MAML3: variants seen among roughly 807,000 people sequenced by gnomAD.
The protein encoded by MAML3 is mastermind-like protein 3.
MAML3 carries 27 observed loss-of-function variants against 101.9 expected under a neutral mutation model. The ratio of observed to expected loss-of-function variants is 0.27; its 90% CI spans 0.20 to 0.37. The LOEUF is 0.37. Among genes scored for constraint, MAML3 ranks in the 10% least tolerant of loss-of-function variants. The pLI is 1.00. For missense variants in MAML3, 1,316 were observed against 1,444.9 expected (o/e 0.91, Z 1.45); for synonymous variants, 501 against 555.9 (o/e 0.90, Z 1.39).
chr4:140,075,900 A>T (rs113507976), intron 1 of MAML3, among the ~76,000 whole-genome samples: 197 of 152,284 alleles, frequency 1.3e-3, no homozygotes, highest in African/African-American at 4.4e-3. Flanking sequence ...AGCTGGGACT[A>T]CAGGCATGCA....
intron 2 of MAML3, among the ~76,000 whole-genome samples, chr4:139,817,678 G>T (rs1039152610): frequency 3.3e-4 from 50 of 152,152 alleles, no homozygotes; most frequent in Non-Finnish European, 2.4e-4. Flanking sequence ...GGGTTAGGGG[G>T]ATGCTTTAAA....
intron 1 of MAML3, among the ~76,000 whole-genome samples, chr4:140,071,224 T>A (rs924874753): frequency 6.6e-6 from 1 of 152,138 alleles, no homozygotes; most frequent in African/African-American, 2.4e-5. Context: ...CCGCACACAC[T>A]CTCTCTCTTT....
chr4:139,747,919 T>C (rs531788757), intron 2 of MAML3, among the ~76,000 whole-genome samples: 1 of 150,204 alleles, frequency 6.7e-6, no homozygotes, highest in Non-Finnish European at 1.5e-5. Context: ...CTGGGCATGG[T>C]GGTGGATGCC....
In MAML3 at chr4:139,775,247, G is replaced by A. The variant is rs565520452; in HGVS notation, c.2080-44580C>T. Among the ~76,000 whole-genome samples the A allele has an allele frequency of 2.0e-5, 3 of 152,230 alleles. No homozygotes were observed. In the East Asian group the frequency reaches 5.8e-4, roughly 29 times the overall value. ...ACTGCAGTTACTCACACAATAAACA[G>A]GTAATAAACATTTTACTGCCCTAAG... On this transcript the variant is annotated intron_variant, in intron 2 of 4. Transcript: ENST00000509479.
chr4:139,868,945 G>A (rs1731951810), intron 2 of MAML3, among the ~76,000 whole-genome samples: 1 of 152,150 alleles, frequency 6.6e-6, no homozygotes, highest in Admixed American at 6.5e-5. Flanking sequence ...CCTGTGCATA[G>A]GTTTATCCAA....
At chr4:139,786,828 G>A (rs1457735498) in intron 2 of MAML3, among the ~76,000 whole-genome samples, 3 of 152,226 alleles carry the variant, frequency 2.0e-5, no homozygotes, top group South Asian at 4.1e-4. Context: ...GTTAATGCTA[G>A]TACAGTTTCC....
intron 1 of MAML3, 80 bp from the exon 2 acceptor site, chr4:139,891,047 T>C: frequency 1.4e-6 from 2 of 1,466,942 alleles, no homozygotes; most frequent in Non-Finnish European, 1.8e-6. Context: ...TGCATTGCGA[T>C]GAACTAACTT....
intron 1 of MAML3, among the ~76,000 whole-genome samples, chr4:140,128,725 A>G (rs1728729283): frequency 6.6e-6 from 1 of 152,196 alleles, no homozygotes; most frequent in African/African-American, 2.4e-5. Flanking sequence ...AAACAAATAA[A>G]GTAGACAGTA....
chr4:139,770,562 A>G (rs1263763456), intron 2 of MAML3, among the ~76,000 whole-genome samples: 1 of 152,216 alleles, frequency 6.6e-6, no homozygotes, highest in Non-Finnish European at 1.5e-5. Flanking sequence ...AGCAGGACAG[A>G]ATAGGATACT....
At chr4:139,732,691 A>T (rs1009785631) in intron 2 of MAML3, among the ~76,000 whole-genome samples, 2 of 151,910 alleles carry the variant, frequency 1.3e-5, no homozygotes, top group African/African-American at 4.8e-5. Context: ...TGGTTACATG[A>T]GTAAGCAGAA....
intron 1 of MAML3, among the ~76,000 whole-genome samples, chr4:139,967,979 A>G (rs1345356553): frequency 3.4e-5 from 5 of 145,130 alleles, no homozygotes; most frequent in African/African-American, 7.5e-5. Flanking sequence ...AAAAAAAAAA[A>G]AGAGAAAAGA....
At chr4:140,037,970 G>C (rs1159216165) in intron 1 of MAML3, among the ~76,000 whole-genome samples, 5 of 152,204 alleles carry the variant, frequency 3.3e-5, no homozygotes, top group Admixed American at 2.6e-4. Flanking sequence ...AATGCAATGT[G>C]AGAGAAGTCT....
At chr4:140,058,285 T>C (rs1727387460) in intron 1 of MAML3, among the ~76,000 whole-genome samples, 1 of 151,648 alleles carries the variant, frequency 6.6e-6, no homozygotes, top group Non-Finnish European at 1.5e-5. Context: ...TTTTTAGTAG[T>C]GGGTCTATGT....
At chr4:139,798,639 A>C (rs1730557046) in intron 2 of MAML3, among the ~76,000 whole-genome samples, 1 of 152,202 alleles carries the variant, frequency 6.6e-6, no homozygotes, top group African/African-American at 2.4e-5. Context: ...TCCCTTATGC[A>C]TGTGTCACAT....
chr4:140,025,622 C>A (rs1477947137), intron 1 of MAML3, among the ~76,000 whole-genome samples: 2 of 152,144 alleles, frequency 1.3e-5, no homozygotes. Flanking sequence ...AAGGGAAGAG[C>A]ATAGGGCAAC....
intron 1 of MAML3, among the ~76,000 whole-genome samples, chr4:140,045,498 T>C (rs1225416231): frequency 6.6e-6 from 1 of 152,206 alleles, no homozygotes. Context: ...GGACTTTTTT[T>C]CAATCTAAAA....
Position 139,770,464 on chromosome 4 carries a change from T to G in MAML3, c.2080-39797A>C, listed in dbSNP as rs78047243. ...ATACTTTTTCTTTTAAAAAGACTAT[T>G]CTGTTTGTGTCCCTGGCAACAAGCT... is the stretch of plus-strand genomic sequence containing the variant. On this transcript the variant is annotated intron_variant, in intron 2 of 4. Coordinates refer to ENST00000509479, the MANE Select transcript of MAML3 (RefSeq NM_018717.5). 2.1e-3 allele frequency among the ~76,000 whole-genome samples: 322 copies of G among 152,336 alleles called. 1 individual carries two copies. Among genetic ancestry groups the G allele is most frequent in the African/African-American group, 7.1e-3 (295 of 41,588 alleles).
At chr4:139,967,469 G>GACACACACACACAC (rs4057112) in intron 1 of MAML3, among the ~76,000 whole-genome samples, 73 of 141,562 alleles carry the variant, frequency 5.2e-4, no homozygotes, top group African/African-American at 1.0e-3. Context: ...CTTTTTAAGG[G>GACACACACACACAC]ACACACACAC....
chr4:139,950,201 C>A (rs540825491), intron 1 of MAML3, among the ~76,000 whole-genome samples: 2 of 152,086 alleles, frequency 1.3e-5, no homozygotes. Context: ...CCACCATGCC[C>A]GGCTAATTTT....
Sources: gnomAD v4.1 joint callset for allele counts (sites outside exome capture counted in the v4.1 genomes callset) on GRCh38, gnomAD v4.1.1 for gene constraint, MANE v1.5 for transcripts, NCBI Gene and HGNC (gene_info 2026-07-23, HGNC 2026-07-21) for gene names.